Variants in RALB observed in about 807,000 individuals in gnomAD.
RALB encodes the protein ras-related protein Ral-B.
RALB carries 16 observed loss-of-function variants against 21.3 expected under a neutral mutation model. The ratio of observed to expected loss-of-function variants is 0.75; its 90% CI spans 0.51 to 1.14. The LOEUF is 1.14. Among genes scored for constraint, RALB ranks in the 50% most tolerant of loss-of-function variants. RALB has a pLI of 0.00. For missense variants in RALB, 161 were observed against 256.2 expected (o/e 0.63, Z 2.54); for synonymous variants, 93 against 96.1 (o/e 0.97, Z 0.19).
In RALB at chr2:120,278,761, C is replaced by T; in HGVS notation, c.97C>T (p.Gln33Ter). ...CGTTGGCAAGTCAGCCCTGACGCTT[C>T]AGTTCATGTATGACGAGGTAAGCCC... Reference protein sequence around the residue: ...GGVGKSALTLQFMYDEFVEDY... With the variant: ...GGVGKSALTL Residue 33 changes from glutamine (Q) to a stop codon, truncating the protein, a stop_gained, in exon 2 of 5, where the codon CAG (glutamine) becomes TAG (stop). Coordinates refer to ENST00000272519, the MANE Select transcript of RALB (RefSeq NM_002881.3). LOFTEE classifies it high-confidence loss of function. 6.3e-7 allele frequency: 1 copy of T among 1,577,518 alleles called. No homozygotes were observed. The highest frequency in any genetic ancestry group is 8.6e-7 in the Non-Finnish European group (1 of 1,160,272).
At chr2:120,283,911 T>TC (rs1201411496) in intron 2 of RALB, among the ~76,000 whole-genome samples, 20 of 152,306 alleles carry the variant, frequency 1.3e-4, no homozygotes, top group Admixed American at 7.8e-4. Flanking sequence ...GTTGGGGTAA[T>TC]CAGCATACTT....
At chr2:120,264,785 C>T (rs1689460518) in intron 1 of RALB, among the ~76,000 whole-genome samples, 1 of 152,196 alleles carries the variant, frequency 6.6e-6, no homozygotes, top group Non-Finnish European at 1.5e-5. Context: ...CCCCTGGCAG[C>T]CGCCATTCTA....
chr2:120,274,658 T>C (rs1450530134), intron 1 of RALB, among the ~76,000 whole-genome samples: 15 of 152,212 alleles, frequency 9.9e-5, no homozygotes, highest in Admixed American at 9.2e-4. Flanking sequence ...TGAGTATCTC[T>C]GGGTGGTAGG....
At position 120,293,471 on chromosome 2, in the gene RALB, G is replaced by A; in HGVS notation, c.*211G>A. 1 of 362,116 alleles carries A rather than the reference G, an allele frequency of 2.8e-6. No homozygotes were observed. The highest frequency in any genetic ancestry group is 4.7e-6 in the Non-Finnish European group (1 of 213,674). 22.4% of individuals were successfully genotyped at this position (362,116 alleles called of 1,614,324 possible). A position where few individuals can be genotyped will look rare whatever the true frequency, so the allele number is the denominator to read the frequency against. On this transcript the variant is annotated 3_prime_UTR_variant, in exon 5 of 5. Transcript: ENST00000272519. ...GGAAGGGCTGCTTTGTCAGGAGGTT[G>A]TGGAATTTCTTTCTTCTCCCCTTCT... is the stretch of plus-strand genomic sequence containing the variant.
intron 1 of RALB, among the ~76,000 whole-genome samples, chr2:120,277,336 T>C (rs553988361): frequency 2.0e-5 from 3 of 149,126 alleles, no homozygotes; most frequent in South Asian, 2.1e-4. Flanking sequence ...TTGTGTGTGG[T>C]GTGAGCATGT....
At chr2:120,256,289 C>G (rs1358640295) in intron 1 of RALB, among the ~76,000 whole-genome samples, 1 of 152,160 alleles carries the variant, frequency 6.6e-6, no homozygotes, top group African/African-American at 2.4e-5. Context: ...CTTTTCTCCC[C>G]AGAGCAAGTG....
chr2:120,250,140 C>T (rs1472184182), upstream of RALB, among the ~76,000 whole-genome samples: 2 of 152,160 alleles, frequency 1.3e-5, no homozygotes, highest in Non-Finnish European at 2.9e-5. Flanking sequence ...GTTTACTGGC[C>T]TCTTCTCTGT....
chr2:120,259,297 A>G (rs962284199), intron 1 of RALB, among the ~76,000 whole-genome samples: 1 of 152,176 alleles, frequency 6.6e-6, no homozygotes. Context: ...GTAGAGCCGA[A>G]TGGCCTGTTT....
chr2:120,294,097 C>T lies in RALB; in HGVS notation c.*837C>T, dbSNP rs1690368306. 2.5e-6 allele frequency: 1 copy of T among 398,432 alleles called. No individual in the cohort carries two copies. The highest frequency in any genetic ancestry group is 2.1e-5 in the African/African-American group (1 of 48,602). 24.7% of individuals were successfully genotyped at this position (398,432 alleles called of 1,614,324 possible). A position where few individuals can be genotyped will look rare whatever the true frequency, so the allele number is the denominator to read the frequency against. ...TAACTGCCTGTCCTCTGGTTAGGCC[C>T]CTCCCTCTCCACTAGTGGTGAATGC... On this transcript the variant is annotated 3_prime_UTR_variant, in exon 5 of 5. Coordinates refer to ENST00000272519, the MANE Select transcript of RALB (RefSeq NM_002881.3).
At chr2:120,247,648 G>A (rs979395972) in intron 1 of RALB, among the ~76,000 whole-genome samples, 13 of 152,318 alleles carry the variant, frequency 8.5e-5, no homozygotes, top group Middle Eastern at 3.4e-3. Flanking sequence ...AGAGTCAAGC[G>A]TTTGAATATG....
chr2:120,273,047 G>T (rs1689704936), intron 1 of RALB, among the ~76,000 whole-genome samples: 1 of 152,152 alleles, frequency 6.6e-6, no homozygotes, highest in South Asian at 2.1e-4. Flanking sequence ...TCGCCCGTTG[G>T]GTCTTCCTGC....
intron 1 of RALB, among the ~76,000 whole-genome samples, chr2:120,265,223 C>T (rs1288606309): frequency 6.6e-6 from 1 of 152,242 alleles, no homozygotes; most frequent in African/African-American, 2.4e-5. Context: ...TTACTACTCA[C>T]CTAGCCCGTA....
At chr2:120,271,659 A>G (rs533021254) in intron 1 of RALB, among the ~76,000 whole-genome samples, 1 of 152,178 alleles carries the variant, frequency 6.6e-6, no homozygotes, top group Non-Finnish European at 1.5e-5. Context: ...GTGATGTTTC[A>G]TGCCTTTGTT....
intron 1 of RALB, among the ~76,000 whole-genome samples, chr2:120,270,394 G>C (rs1341375540): frequency 2.0e-5 from 3 of 152,290 alleles, no homozygotes; most frequent in Middle Eastern, 3.4e-3. Context: ...CACAAATGTA[G>C]TTTAAAGATC....
intron 1 of RALB, among the ~76,000 whole-genome samples, chr2:120,265,557 A>G (rs1365470097): frequency 1.3e-5 from 2 of 152,188 alleles, no homozygotes; most frequent in Admixed American, 6.5e-5. Flanking sequence ...TTTCTGACCC[A>G]TAGATCTGTG....
intron 1 of RALB, chr2:120,253,764 G>T (rs1689122684): frequency 2.1e-6 from 2 of 966,936 alleles, no homozygotes; most frequent in Non-Finnish European, 2.5e-6. Context: ...CTTGTGCCTG[G>T]CGGACTGAAT....
intron 1 of RALB, among the ~76,000 whole-genome samples, chr2:120,266,716 A>G (rs1016955082): frequency 6.6e-6 from 1 of 152,172 alleles, no homozygotes; most frequent in African/African-American, 2.4e-5. Flanking sequence ...GTCTTAAAAA[A>G]GAAAATAAAT....
chr2:120,252,388 G>A (rs1284678272), upstream of RALB, among the ~76,000 whole-genome samples: 2 of 152,204 alleles, frequency 1.3e-5, no homozygotes, highest in African/African-American at 4.8e-5. Context: ...CAAGACCCCC[G>A]GGCGGCATCC....
chr2:120,264,866 T>C (rs1558949141), intron 1 of RALB, among the ~76,000 whole-genome samples: 1 of 152,230 alleles, frequency 6.6e-6, no homozygotes, highest in Non-Finnish European at 1.5e-5. Flanking sequence ...ATTTGTGCTT[T>C]TGTGTCTTGC....
Sources: gnomAD v4.1 joint callset for allele counts (sites outside exome capture counted in the v4.1 genomes callset) on GRCh38, gnomAD v4.1.1 for gene constraint, MANE v1.5 for transcripts, NCBI Gene and HGNC (gene_info 2026-07-23, HGNC 2026-07-21) for gene names.